The following SOX5 variants were observed in gnomAD, a reference collection of about 807,000 sequenced individuals.
SOX5 encodes SRY-box transcription factor 5.
A neutral mutation model predicts 92.0 loss-of-function variants in SOX5; 9 were observed. The ratio of observed to expected loss-of-function variants is 0.10; its 90% CI spans 0.06 to 0.17. SOX5 has a LOEUF of 0.17. Among genes scored for constraint, SOX5 ranks in the 10% least tolerant of loss-of-function variants. The pLI is 1.00. For synonymous variants in SOX5, 344 were observed against 336.3 expected, an observed-to-expected ratio of 1.02 and a Z score of -0.25; for missense variants, 642 against 944.5, an observed-to-expected ratio of 0.68 and a Z score of 4.20.
intron 3 of SOX5, among the ~76,000 whole-genome samples, chr12:24,252,612 T>C (rs773774923): frequency 7.9e-5 from 12 of 151,906 alleles, no homozygotes; most frequent in African/African-American, 1.2e-4. Flanking sequence ...TTTATTCTTG[T>C]AAGTCTGCAA....
chr12:23,927,846 TATC>T (rs968256825), intron 1 of SOX5, among the ~76,000 whole-genome samples: 1 of 152,060 alleles, frequency 6.6e-6, no homozygotes, highest in African/African-American at 2.4e-5. Flanking sequence ...AGTGTGCTAA[TATC>T]ATGTTCCGCA....
intron 9 of SOX5, among the ~76,000 whole-genome samples, chr12:23,600,368 C>A (rs1273514376): frequency 1.3e-5 from 2 of 151,170 alleles, no homozygotes; most frequent in African/African-American, 4.9e-5. Flanking sequence ...GAGTAAGATC[C>A]AAAAGGGAAC....
intron 6 of SOX5, among the ~76,000 whole-genome samples, chr12:23,668,357 G>A (rs1395860482): frequency 6.6e-6 from 1 of 152,166 alleles, no homozygotes; most frequent in East Asian, 1.9e-4. Context: ...CACTAATTCA[G>A]TGTTCATAGC....
chr12:23,735,798 G>GTTTACTTCTACA (rs2093569284), intron 5 of SOX5, among the ~76,000 whole-genome samples: 4 of 152,064 alleles, frequency 2.6e-5, no homozygotes, highest in African/African-American at 9.7e-5. Flanking sequence ...TGTTATTTGT[G>GTTTACTTCTACA]TTTACTTCTA....
intron 7 of SOX5, among the ~76,000 whole-genome samples, chr12:23,663,247 T>C (rs549346322): frequency 3.3e-5 from 5 of 152,208 alleles, no homozygotes; most frequent in Admixed American, 2.0e-4. Flanking sequence ...AAAGGCTTTT[T>C]TTCTGTTTTA....
At chr12:24,226,002 A>G (rs2728844) in intron 3 of SOX5, among the ~76,000 whole-genome samples, 18,582 of 152,208 alleles carry the variant, frequency 0.12, 1,523 homozygotes, top group Admixed American at 0.2. Flanking sequence ...GTCAGTAGGA[A>G]TCAATCTCTT....
At chr12:23,543,939 T>C (rs955831654) in intron 12 of SOX5, among the ~76,000 whole-genome samples, 6 of 152,226 alleles carry the variant, frequency 3.9e-5, no homozygotes, top group African/African-American at 1.4e-4. Flanking sequence ...AATTGGCTTT[T>C]CTTTGAAATT....
At chr12:24,262,053 C>T (rs972552630) in intron 3 of SOX5, among the ~76,000 whole-genome samples, 1 of 152,014 alleles carries the variant, frequency 6.6e-6, no homozygotes, top group Non-Finnish European at 1.5e-5. Flanking sequence ...AAAAGAGTAC[C>T]GATTAGGTAT....
chr12:23,737,640 C>T (rs764760424), intron 5 of SOX5, among the ~76,000 whole-genome samples: 1 of 152,156 alleles, frequency 6.6e-6, no homozygotes, highest in Non-Finnish European at 1.5e-5. Context: ...GCCTGCAAGG[C>T]CCTATATGAT....
intron 4 of SOX5, among the ~76,000 whole-genome samples, chr12:24,025,253 TAC>T (rs1204787018): frequency 6.6e-6 from 1 of 151,934 alleles, no homozygotes; most frequent in African/African-American, 2.4e-5. Flanking sequence ...AAGATGGAAA[TAC>T]ACAGATTGTA....
intron 6 of SOX5, among the ~76,000 whole-genome samples, chr12:23,722,326 C>T (rs960021021): frequency 1.3e-5 from 2 of 152,108 alleles, no homozygotes; most frequent in African/African-American, 4.8e-5. Flanking sequence ...AACATACATG[C>T]TAAATATTAA....
At position 23,598,777 on chromosome 12, in the gene SOX5, G is replaced by A. The variant is rs373827511; in HGVS notation, c.1164+5610C>T. On this transcript the variant is annotated intron_variant, in intron 9 of 14. Transcript: ENST00000451604. ...GTTTTATACTTTGTGTTAGTGGTAGGTAGACTTGGTTGTGATTATGCTGTA... is the reference window on the plus strand; with the variant it reads ...GTTTTATACTTTGTGTTAGTGGTAGATAGACTTGGTTGTGATTATGCTGTA... Among the ~76,000 whole-genome samples, 12 of 152,224 alleles carry A rather than the reference G, an allele frequency of 7.9e-5. No individual in the cohort carries two copies. The East Asian group carries it at 1.9e-3, about 25-fold the overall frequency.
At chr12:23,779,935 G>C (rs2095237048) in intron 3 of SOX5, among the ~76,000 whole-genome samples, 1 of 141,856 alleles carries the variant, frequency 7.0e-6, no homozygotes, top group Non-Finnish European at 1.5e-5. Flanking sequence ...GTTTATGTGT[G>C]TGCATGAGAC....
At chr12:24,095,112 CACACACACACACACACAGAGAGAGAG>C (rs1281886239) in intron 4 of SOX5, among the ~76,000 whole-genome samples, 2 of 102,182 alleles carry the variant, frequency 2.0e-5, no homozygotes, top group Non-Finnish European at 2.1e-5. Context: ...CACACACACA[CACACACACACACACACAGAGAGAGAG>C]AGAGAGAGAG....
chr12:23,695,111 C>T (rs2089579703), intron 6 of SOX5, among the ~76,000 whole-genome samples: 1 of 65,422 alleles, frequency 1.5e-5, no homozygotes, highest in African/African-American at 5.3e-5. Context: ...CAAGGGAAAC[C>T]TTGTCTCAAA....
intron 4 of SOX5, among the ~76,000 whole-genome samples, chr12:24,202,084 T>A (rs1366833872): frequency 6.6e-6 from 1 of 152,228 alleles, no homozygotes; most frequent in Non-Finnish European, 1.5e-5. Flanking sequence ...GCTAGATCAT[T>A]ATTTCTATGT....
intron 7 of SOX5, among the ~76,000 whole-genome samples, chr12:23,654,468 C>A (rs538098975): frequency 1.3e-5 from 2 of 152,160 alleles, no homozygotes; most frequent in African/African-American, 4.8e-5. Context: ...TAAGATGTTA[C>A]ATATAAACAT....
intron 6 of SOX5, among the ~76,000 whole-genome samples, chr12:23,701,083 T>C (rs1035505766): frequency 1.3e-5 from 2 of 152,046 alleles, no homozygotes; most frequent in African/African-American, 4.8e-5. Context: ...TGTAATTTCA[T>C]CCTGAACCAA....
chr12:23,619,692 T>C (rs940000368), intron 8 of SOX5, among the ~76,000 whole-genome samples: 15 of 152,272 alleles, frequency 9.9e-5, no homozygotes, highest in South Asian at 4.1e-4. Flanking sequence ...AAATGTGAAG[T>C]GTCCAACAGG....
Sources: allele counts gnomAD v4.1 joint callset (sites outside exome capture counted in the v4.1 genomes callset), GRCh38; gene constraint gnomAD v4.1.1; transcripts MANE v1.5; gene names NCBI Gene and HGNC (gene_info 2026-07-23, HGNC 2026-07-21).